Variants in CD163L1 observed in about 807,000 individuals in gnomAD.
CD163L1 encodes CD163 molecule like 1.
Under a neutral mutation model 165.4 loss-of-function variants are expected in CD163L1, and 124 were observed. The ratio of observed to expected loss-of-function variants is 0.75; its 90% confidence interval spans 0.65 to 0.87. The LOEUF (loss-of-function observed/expected upper bound fraction) is 0.87, where lower values mean the gene tolerates loss of function less well. CD163L1 is among the 40% of genes least tolerant of loss of function. The pLI is 0.00. For synonymous variants in CD163L1, 585 were observed against 662.2 expected (o/e 0.88, Z 1.79); for missense variants, 1,525 against 1,799.9 (o/e 0.85, Z 2.76).
chr12:7,422,742 T>C (rs1414069812), intron 4 of CD163L1, among the ~76,000 whole-genome samples: 1 of 121,846 alleles, frequency 8.2e-6, no homozygotes, highest in East Asian at 2.2e-4. Context: ...TATATAAATA[T>C]ATATACATAT....
chr12:7,407,046 T>C (rs979611201), intron 4 of CD163L1, among the ~76,000 whole-genome samples, 194 bp from the exon 5 acceptor site: 4 of 152,230 alleles, frequency 2.6e-5, no homozygotes, highest in African/African-American at 9.6e-5. Context: ...TACTATGATG[T>C]TGACAATCCA....
intron 19 of CD163L1, 53 bp from the exon 20 acceptor site, chr12:7,355,183 C>G (rs779994446): frequency 2.6e-5 from 4 of 152,086 alleles, no homozygotes; most frequent in South Asian, 2.1e-4. Context: ...AATAAGAATG[C>G]TAGCCTACAT....
At chr12:7,433,293 A>C in intron 3 of CD163L1, 81 bp downstream of exon 3, 1 of 1,276,770 alleles carries the variant, frequency 7.8e-7, no homozygotes, top group South Asian at 1.5e-5. Flanking sequence ...TATTAAAGTC[A>C]TAATAGAAAC....
rs997926700 is a variant in CD163L1 at position 7,398,409 on chromosome 12, C to A, written c.1584G>T (p.Met528Ile). ...GCGKPLHVFG[M>I]TYFKEASGPI... ...GTCCTGATGCTTCTTTAAAATAGGT[C>A]ATACCAAACACATGCAAAGGCTTTC... Residue 528 changes from methionine to isoleucine, a missense_variant, in exon 7 of 20, where the codon ATG becomes ATT. Coordinates refer to ENST00000313599, the MANE Select transcript of CD163L1 (RefSeq NM_174941.6). This position sits in a 1 kb window ranked among gnomAD's most constrained non-coding sequence, Gnocchi z 4.5. The A allele has an allele frequency of 6.2e-7, 1 of 1,614,110 alleles. No individual in the cohort carries two copies. Among genetic ancestry groups the A allele is most frequent in the Admixed American group, 1.7e-5 (1 of 60,004 alleles).
the CD163L1 span, among the ~76,000 whole-genome samples, chr12:7,340,053 C>G: frequency 6.6e-6 from 1 of 152,096 alleles, no homozygotes; most frequent in African/African-American, 2.4e-5. Flanking sequence ...AAGGTCAGCT[C>G]TAAGTTCCTT....
intron 4 of CD163L1, among the ~76,000 whole-genome samples, chr12:7,421,774 TTC>T (rs762447088): frequency 0.076 from 11,184 of 146,782 alleles, 718 homozygotes; most frequent in East Asian, 0.16. Flanking sequence ...TATATATTTT[TTC>T]TTCTAAGTGA....
At chr12:7,350,903 C>G (rs775336288), downstream of CD163L1, among the ~76,000 whole-genome samples, 13 of 152,094 alleles carry the variant, frequency 8.5e-5, no homozygotes, top group Non-Finnish European at 1.3e-4. Context: ...TGAAATTCAT[C>G]AATATGTATT....
rs767945184 is a variant in CD163L1 at position 7,374,692 on chromosome 12, G to A, written c.3159C>T (p.His1053=). 8.1e-6 allele frequency: 13 copies of A among 1,614,088 alleles called. No individual in the cohort carries two copies. The African/African-American group carries it at 1.6e-4, about 20-fold the overall frequency. ...SRCAGRVEIY[H]DGFWGTICDD... is the part of the protein sequence containing the mutation. ...CACAGATGGTGCCCCAGAAGCCGTC[G>A]TGATAGATCTCTACTCTCCCGGCAC... is the stretch of plus-strand genomic sequence containing the variant. The change falls in exon 13 of 20, where the codon CAC becomes CAT. Residue 1053 remains histidine (H), a synonymous_variant. Transcript: ENST00000313599. The surrounding 1 kb of genome is among the most constrained non-coding windows in gnomAD (Gnocchi z 5.4).
At chr12:7,415,516 TG>T in intron 4 of CD163L1, among the ~76,000 whole-genome samples, 1 of 152,268 alleles carries the variant, frequency 6.6e-6, no homozygotes, top group Admixed American at 6.5e-5. Flanking sequence ...CATGGTGGTT[TG>T]GGGCACCCAT....
At chr12:7,421,385 GAT>G (rs1198987323) in intron 4 of CD163L1, among the ~76,000 whole-genome samples, 1 of 77,332 alleles carries the variant, frequency 1.3e-5, no homozygotes, top group African/African-American at 6.8e-5. Flanking sequence ...ACATTTGGAA[GAT>G]ATATATGTAT....
In CD163L1 at chr12:7,403,908, A is replaced by G. The variant is rs1215708424; in HGVS notation, c.1088-53T>C. 3 of 1,486,524 alleles carry G rather than the reference A, an allele frequency of 2.0e-6. No individual in the cohort carries two copies. In the South Asian group the frequency reaches 3.7e-5, roughly 18 times the overall value. The allele number at this position is 1,486,524 out of a possible 1,614,324, so 92.1% of individuals were successfully genotyped here. ...GAATTGGGTTTGGGACAATATCATC[A>G]GCATCCCTCTCCTCCAACCCCTCCA... On this transcript the variant is annotated intron_variant, in intron 5 of 19. Coordinates refer to ENST00000313599, the MANE Select transcript of CD163L1 (RefSeq NM_174941.6).
chr12:7,346,269 CTTTTTTATTCCATTTTA>C (rs2136359911), downstream of CD163L1, among the ~76,000 whole-genome samples: 1 of 152,046 alleles, frequency 6.6e-6, no homozygotes, highest in East Asian at 1.9e-4. Flanking sequence ...CACATTTATT[CTTTTTTATTCCATTTTA>C]TTTTTTATTT....
intron 1 of CD163L1, among the ~76,000 whole-genome samples, chr12:7,442,861 C>T (rs1306965302): frequency 3.9e-5 from 6 of 152,086 alleles, no homozygotes; most frequent in Admixed American, 1.3e-4. Context: ...AGCTCTGACA[C>T]CAGCACAATC....
At chr12:7,421,471 A>ATACATGTACATATATACATATATG (rs1565810038) in intron 4 of CD163L1, among the ~76,000 whole-genome samples, 1 of 124,250 alleles carries the variant, frequency 8.0e-6, no homozygotes, top group African/African-American at 3.6e-5. Flanking sequence ...ATACATATAT[A>ATACATGTACATATATACATATATG]TACATATATG....
intron 8 of CD163L1, among the ~76,000 whole-genome samples, chr12:7,382,854 G>A (rs1454224545): frequency 6.6e-6 from 1 of 152,172 alleles, no homozygotes; most frequent in African/African-American, 2.4e-5. Context: ...TTATCCATCT[G>A]GAGGGCTGCA....
At chr12:7,371,207 T>G (rs1947139407) in intron 14 of CD163L1, among the ~76,000 whole-genome samples, 1 of 152,204 alleles carries the variant, frequency 6.6e-6, no homozygotes, top group African/African-American at 2.4e-5. Flanking sequence ...TTACCCAGTC[T>G]CTGGTATTTC....
intron 6 of CD163L1, 110 bp downstream of exon 6, chr12:7,403,424 GT>G (rs888701903): frequency 3.7e-4 from 365 of 998,646 alleles, no homozygotes; most frequent in Non-Finnish European, 3.3e-4. Context: ...AGTATTTTGG[GT>G]TTTTTTTTAA....
At chr12:7,349,348 A>T (rs1291138829) in intron 4 of CD163L1, among the ~76,000 whole-genome samples, 1 of 152,198 alleles carries the variant, frequency 6.6e-6, no homozygotes, top group Non-Finnish European at 1.5e-5. Flanking sequence ...TACTTTCCTC[A>T]ACTAGGAAAT....
intron 18 of CD163L1, among the ~76,000 whole-genome samples, chr12:7,359,444 A>T (rs1482653402): frequency 6.6e-6 from 1 of 152,152 alleles, no homozygotes; most frequent in African/African-American, 2.4e-5. Context: ...GCTAGCAAAA[A>T]GAGGGAGTAT....
Sources: gnomAD v4.1 joint callset for allele counts (sites outside exome capture counted in the v4.1 genomes callset) on GRCh38, gnomAD v4.1.1 for gene constraint, Gnocchi (gnomAD v3.1) non-coding constraint, MANE v1.5 for transcripts, NCBI Gene and HGNC (gene_info 2026-07-23, HGNC 2026-07-21) for gene names.